The following KIT variants were observed in gnomAD, a reference collection of about 807,000 sequenced individuals.
The protein encoded by KIT is mast/stem cell growth factor receptor Kit.
In KIT, 16 loss-of-function variants were observed where a neutral mutation model predicts 105.7. The ratio of observed to expected loss-of-function variants is 0.15; its 90% confidence interval spans 0.10 to 0.23. The LOEUF is 0.23. Among genes scored for constraint, KIT ranks in the 10% least tolerant of loss-of-function variants. KIT has a pLI of 1.00. For missense variants in KIT, 858 were observed against 1,213.8 expected (o/e 0.71, Z 4.36); for synonymous variants, 438 against 441.1 (o/e 0.99, Z 0.09).
intron 1 of KIT, among the ~76,000 whole-genome samples, chr4:54,679,265 C>G (rs1296632994): frequency 1.3e-5 from 2 of 152,184 alleles, no homozygotes; most frequent in African/African-American, 4.8e-5. Flanking sequence ...CTGAATGTTT[C>G]TACCAACTCC....
intron 1 of KIT, among the ~76,000 whole-genome samples, chr4:54,661,978 G>C (rs1717306341): frequency 6.6e-6 from 1 of 152,220 alleles, no homozygotes; most frequent in Non-Finnish European, 1.5e-5. Flanking sequence ...AGCCCGAGGA[G>C]ACATGTTTTC....
rs1307420759 is a variant in KIT, at chr4:54,736,820, T to C, written c.2696T>C (p.Met899Thr). 2.5e-6 allele frequency: 4 copies of C among 1,613,588 alleles called. No individual in the cohort carries two copies. The African/African-American group carries it at 4.0e-5, about 16-fold the overall frequency. Reference protein sequence around the residue: ...MLSPEHAPAEMYDIMKTCWDA... With the variant: ...MLSPEHAPAETYDIMKTCWDA... Reference sequence around the variant, plus strand: ...AGCCCTGAACACGCACCTGCTGAAATGTAAGAGCCAAAAAATTTTTCCTTT... The same window carrying C: ...AGCCCTGAACACGCACCTGCTGAAACGTAAGAGCCAAAAAATTTTTCCTTT... Residue 899 changes from methionine to threonine, a missense_variant and splice_region_variant, in exon 19 of 21, where the codon ATG becomes ACG. Transcript: ENST00000288135.
chr4:54,720,881 A>G (rs975579585), intron 7 of KIT, among the ~76,000 whole-genome samples: 1 of 152,222 alleles, frequency 6.6e-6, no homozygotes, highest in African/African-American at 2.4e-5. Context: ...TAAAAAATTC[A>G]TGTTGTCAGG....
At chr4:54,682,681 C>T (rs2855773) in intron 1 of KIT, among the ~76,000 whole-genome samples, 5,941 of 151,774 alleles carry the variant, frequency 0.039, 361 homozygotes, top group African/African-American at 0.13. Context: ...CCATCTGCCT[C>T]GGCCTCCCAA....
chr4:54,730,900 A>G (rs569304349), intron 14 of KIT, among the ~76,000 whole-genome samples: 14 of 152,198 alleles, frequency 9.2e-5, no homozygotes, highest in African/African-American at 3.4e-4. Context: ...TTCCTCCATC[A>G]GTCACTATAT....
At chr4:54,679,107 T>A (rs1028346179) in intron 1 of KIT, among the ~76,000 whole-genome samples, 2 of 152,228 alleles carry the variant, frequency 1.3e-5, no homozygotes, top group East Asian at 3.9e-4. Context: ...GGAGTGACAC[T>A]GTGAGCTGCT....
chr4:54,698,230 T>G, intron 2 of KIT, 54 bp from the exon 3 acceptor site: 1 of 1,542,650 alleles, frequency 6.5e-7, no homozygotes. Context: ...AAAAAGTGTT[T>G]TCAGTGTCTG....
chr4:54,711,915 C>A (rs1409372637), intron 7 of KIT, among the ~76,000 whole-genome samples: 3 of 137,214 alleles, frequency 2.2e-5, no homozygotes, highest in African/African-American at 8.3e-5. Context: ...GGCGACTGAA[C>A]GAGAGTCCGT....
At chr4:54,672,187 G>T (rs1375640753) in intron 1 of KIT, among the ~76,000 whole-genome samples, 1 of 152,180 alleles carries the variant, frequency 6.6e-6, no homozygotes, top group Non-Finnish European at 1.5e-5. Flanking sequence ...TTTGGTTAAG[G>T]AAACTGCAGT....
At chr4:54,680,831 C>T (rs1048570891) in intron 1 of KIT, among the ~76,000 whole-genome samples, 2 of 152,142 alleles carry the variant, frequency 1.3e-5, no homozygotes, top group African/African-American at 2.4e-5. Flanking sequence ...CGCCCACACC[C>T]ACACCTGTCC....
At chr4:54,727,592 CAG>C (rs1396758170) in intron 11 of KIT, 50 bp downstream of exon 11, 20 of 1,611,990 alleles carry the variant, frequency 1.2e-5, no homozygotes, top group Non-Finnish European at 1.7e-5. Context: ...GTACACATAA[CAG>C]TGACTTTAAG....
At chr4:54,663,487 A>G (rs1717447619) in intron 1 of KIT, among the ~76,000 whole-genome samples, 1 of 152,160 alleles carries the variant, frequency 6.6e-6, no homozygotes, top group South Asian at 2.1e-4. Flanking sequence ...TCTTAGAAAA[A>G]AATTGAAAAC....
chr4:54,739,031 C>A lies in KIT; in HGVS notation c.*474C>A. On this transcript the variant is annotated 3_prime_UTR_variant, in exon 21 of 21. Coordinates refer to ENST00000288135, the MANE Select transcript of KIT (RefSeq NM_000222.3). ...ATTAGAACAAAGGACAGAGTATGAA[C>A]ACCTGGGCTTAAGAAATCTAGTATT... 1 of 442,084 alleles carries A rather than the reference C, an allele frequency of 2.3e-6. No individual in the cohort carries two copies. The highest frequency in any genetic ancestry group is 4.0e-6 in the Non-Finnish European group (1 of 252,188). 27.4% of individuals were successfully genotyped at this position (442,084 alleles called of 1,614,324 possible).
chr4:54,736,301 G>A (rs1044202567), intron 17 of KIT, among the ~76,000 whole-genome samples, 197 bp from the exon 18 acceptor site: 28 of 152,180 alleles, frequency 1.8e-4, no homozygotes, highest in African/African-American at 5.1e-4. Flanking sequence ...TTAAAATGGG[G>A]ATAATGCACT....
chr4:54,734,935 G>T (rs1722835345), intron 17 of KIT, among the ~76,000 whole-genome samples: 1 of 152,142 alleles, frequency 6.6e-6, no homozygotes, highest in African/African-American at 2.4e-5. Flanking sequence ...CAGTACATGT[G>T]TTTACTATAG....
intron 1 of KIT, among the ~76,000 whole-genome samples, chr4:54,688,595 A>G (rs1223915993): frequency 6.6e-6 from 1 of 152,226 alleles, no homozygotes; most frequent in Non-Finnish European, 1.5e-5. Flanking sequence ...CCTTGCAGTC[A>G]TGGTTGACCT....
chr4:54,698,836 A>G (rs1480580086), intron 3 of KIT, among the ~76,000 whole-genome samples: 1 of 152,258 alleles, frequency 6.6e-6, no homozygotes, highest in African/African-American at 2.4e-5. Context: ...CCAAAGTTTC[A>G]TAATTGCATC....
chr4:54,705,666 T>C (rs1720739543), intron 5 of KIT, among the ~76,000 whole-genome samples: 1 of 152,134 alleles, frequency 6.6e-6, no homozygotes, highest in South Asian at 2.1e-4. Flanking sequence ...GCAGATCTCT[T>C]AAGCCCAGGA....
chr4:54,686,711 AT>A (rs1167585542), intron 1 of KIT, among the ~76,000 whole-genome samples: 1 of 152,006 alleles, frequency 6.6e-6, no homozygotes. Flanking sequence ...CACCCAGCTA[AT>A]TTTTGTATTT....
Sources: allele counts gnomAD v4.1 joint callset (sites outside exome capture counted in the v4.1 genomes callset), GRCh38; gene constraint gnomAD v4.1.1; transcripts MANE v1.5; gene names NCBI Gene and HGNC (gene_info 2026-07-23, HGNC 2026-07-21).